Variants in SNTG2 observed in about 807,000 individuals in gnomAD.
SNTG2 encodes syntrophin gamma 2, also known as gamma-2-syntrophin.
Under a neutral mutation model 70.9 loss-of-function variants are expected in SNTG2, and 74 were observed. The observed-to-expected ratio is 1.04, with a 90% confidence interval of 0.86 to 1.27. The LOEUF is 1.27. Ranked by LOEUF, SNTG2 falls within the 50% of genes most tolerant of loss-of-function variation. The pLI, the probability that SNTG2 is intolerant of heterozygous loss-of-function variation, is 0.00. For missense variants in SNTG2, 717 were observed against 690.7 expected (o/e 1.04, Z -0.43); for synonymous variants, 278 against 273.8 (o/e 1.02, Z -0.15).
chr2:1,158,322 T>G (rs2147833510), intron 6 of SNTG2: 1 of 152,300 alleles, frequency 6.6e-6, no homozygotes, highest in East Asian at 1.9e-4. Flanking sequence ...TTTTTAAAAT[T>G]TATCTACATC....
chr2:1,360,284 C>T (rs1573029743), intron 16 of SNTG2, among the ~76,000 whole-genome samples: 1 of 151,552 alleles, frequency 6.6e-6, no homozygotes, highest in South Asian at 2.1e-4. Context: ...GAGGCTTTGC[C>T]CTTGTGCTCT....
chr2:973,594 T>G (rs1347047341), intron 1 of SNTG2, among the ~76,000 whole-genome samples: 6 of 151,906 alleles, frequency 3.9e-5, no homozygotes, highest in African/African-American at 9.7e-5. Context: ...CTCTTTATTA[T>G]TAACTCTTTG....
At chr2:1,279,037 CCT>C (rs138301849) in intron 14 of SNTG2, among the ~76,000 whole-genome samples, 34,306 of 127,904 alleles carry the variant, frequency 0.27, 4,563 homozygotes, top group East Asian at 0.53. Flanking sequence ...TGAATCACCC[CCT>C]GTCAGTGCGC....
intron 1 of SNTG2, among the ~76,000 whole-genome samples, chr2:1,056,328 T>G (rs1304853400): frequency 3.3e-4 from 2 of 6,100 alleles, no homozygotes; most frequent in Non-Finnish European, 5.7e-4. Flanking sequence ...CGCCGTGCTG[T>G]GGGGAGGGAG....
At chr2:1,293,731 C>A (rs1322640242) in intron 14 of SNTG2, among the ~76,000 whole-genome samples, 2 of 152,080 alleles carry the variant, frequency 1.3e-5, no homozygotes, top group Non-Finnish European at 2.9e-5. Context: ...GAATTTTAAT[C>A]TTTTAACATT....
In SNTG2 at chr2:1,165,733, T is replaced by C. The variant is rs552933571; in HGVS notation, c.499+98T>C. On this transcript the variant is annotated intron_variant, in intron 7 of 16. Transcript: ENST00000308624. ...ACCACATGGACTGGGATATTAATCA[T>C]TTGCTGAGTGTACATTCAGAGAGAA... 1,395 of 1,021,050 alleles carry C rather than the reference T, an allele frequency of 1.4e-3. 2 individuals carry two copies. The highest frequency in any genetic ancestry group is 1.9e-3 in the Non-Finnish European group (1,295 of 682,504). 63.2% of individuals were successfully genotyped at this position (1,021,050 alleles called of 1,614,324 possible).
chr2:967,171 GTTTCT>G (rs1199250118), intron 1 of SNTG2, among the ~76,000 whole-genome samples: 5 of 152,146 alleles, frequency 3.3e-5, no homozygotes, highest in Non-Finnish European at 7.4e-5. Context: ...CTCTGTGTGT[GTTTCT>G]TTTATTTCTC....
chr2:1,352,245 G>A (rs1398067660), intron 16 of SNTG2, among the ~76,000 whole-genome samples: 1 of 152,142 alleles, frequency 6.6e-6, no homozygotes, highest in Non-Finnish European at 1.5e-5. Flanking sequence ...CAATCCTCCT[G>A]GCACCTTTAG....
chr2:1,217,854 T>G (rs1308713043), intron 9 of SNTG2, among the ~76,000 whole-genome samples: 1 of 152,146 alleles, frequency 6.6e-6, no homozygotes, highest in Non-Finnish European at 1.5e-5. Context: ...AACAAACCTG[T>G]GCAAACTTAG....
At chr2:1,113,338 CGTGT>C (rs1666653475) in intron 4 of SNTG2, among the ~76,000 whole-genome samples, 2 of 150,980 alleles carry the variant, frequency 1.3e-5, no homozygotes, top group East Asian at 2.0e-4. Flanking sequence ...TGAGAAGGAT[CGTGT>C]GTATTAAGTG....
At chr2:1,106,028 CT>C (rs1558404800) in intron 4 of SNTG2, among the ~76,000 whole-genome samples, 1 of 150,662 alleles carries the variant, frequency 6.6e-6, no homozygotes, top group Non-Finnish European at 1.5e-5. Context: ...TGGACACGTG[CT>C]GTCACTCGGG....
At chr2:1,313,022 G>T (rs114481100) in intron 15 of SNTG2, among the ~76,000 whole-genome samples, 1,967 of 152,292 alleles carry the variant, frequency 0.013, 25 homozygotes, top group Admixed American at 0.027. Flanking sequence ...GGAGTTGCCT[G>T]GTACTGCCTG....
At chr2:1,094,202 T>C (rs1665226180) in intron 2 of SNTG2, among the ~76,000 whole-genome samples, 2 of 116,948 alleles carry the variant, frequency 1.7e-5, no homozygotes, top group African/African-American at 3.1e-5. Flanking sequence ...GCAAAGGCCT[T>C]ATAGGTGTGT....
chr2:963,569 G>A (rs1214892760), intron 1 of SNTG2, among the ~76,000 whole-genome samples: 1 of 151,990 alleles, frequency 6.6e-6, no homozygotes, highest in African/African-American at 2.4e-5. Context: ...TGTGCCTTGG[G>A]ACCAACTCCT....
chr2:1,323,122 C>T (rs73179442), intron 16 of SNTG2, among the ~76,000 whole-genome samples: 4,894 of 152,282 alleles, frequency 0.032, 268 homozygotes, highest in African/African-American at 0.11. Flanking sequence ...TAGCTCCAGG[C>T]ATCTGCCTCC....
At chr2:1,251,613 C>T (rs1053518462) in intron 12 of SNTG2, among the ~76,000 whole-genome samples, 2 of 146,740 alleles carry the variant, frequency 1.4e-5, no homozygotes, top group Non-Finnish European at 3.0e-5. Flanking sequence ...CTCATGCACA[C>T]ACCACACACA....
chr2:1,090,178 A>G (rs185505962), intron 2 of SNTG2, among the ~76,000 whole-genome samples: 1 of 152,278 alleles, frequency 6.6e-6, no homozygotes, highest in East Asian at 1.9e-4. Context: ...ATGTAGATCT[A>G]CTTAGTCCAT....
At chr2:1,134,675 C>G (rs949161653) in intron 4 of SNTG2, among the ~76,000 whole-genome samples, 21 of 152,316 alleles carry the variant, frequency 1.4e-4, no homozygotes, top group Non-Finnish European at 2.9e-4. Context: ...CAGTGGATCC[C>G]CCACCGGGGC....
chr2:1,210,037 G>A (rs958789869), intron 9 of SNTG2, among the ~76,000 whole-genome samples: 1 of 152,168 alleles, frequency 6.6e-6, no homozygotes, highest in African/African-American at 2.4e-5. Context: ...TGGGCAGACA[G>A]TACAACCTGA....
Sources: allele counts gnomAD v4.1 joint callset (sites outside exome capture counted in the v4.1 genomes callset), GRCh38; gene constraint gnomAD v4.1.1; transcripts MANE v1.5; gene names NCBI Gene and HGNC (gene_info 2026-07-23, HGNC 2026-07-21).